Variants in ATP9B observed in about 807,000 individuals in gnomAD.
The protein encoded by ATP9B is ATPase phospholipid transporting 9B.
Under a neutral mutation model 146.1 loss-of-function variants are expected in ATP9B, and 110 were observed. The observed-to-expected ratio is 0.75, with a 90% CI of 0.65 to 0.88. The LOEUF (loss-of-function observed/expected upper bound fraction) is 0.88, where lower values mean the gene tolerates loss of function less well. ATP9B is among the 40% of genes least tolerant of loss of function. The pLI, the probability that ATP9B is intolerant of heterozygous loss-of-function variation, is 0.00. For missense variants in ATP9B, 1,499 were observed against 1,496.4 expected (o/e 1.00, Z -0.03); for synonymous variants, 604 against 569.7 (o/e 1.06, Z -0.86).
chr18:79,359,475 G>T lies in ATP9B; in HGVS notation c.3012+13G>T. ...GGACCTCACCAAGGTACGGGCCTCA[G>T]GCAAGCTGTCTGCCTCACGACTAGC... On this transcript the variant is annotated intron_variant, in intron 26 of 29. Transcript: ENST00000426216. 1 of 1,597,918 alleles carries T rather than the reference G, an allele frequency of 6.3e-7. No homozygotes were observed. The highest frequency in any genetic ancestry group is 8.6e-7 in the Non-Finnish European group (1 of 1,165,574).
intron 13 of ATP9B, among the ~76,000 whole-genome samples, chr18:79,289,176 G>A (rs1180298766): frequency 6.6e-6 from 1 of 152,132 alleles, no homozygotes; most frequent in African/African-American, 2.4e-5. Flanking sequence ...TGCTAGATTG[G>A]GGAGGTTCTC....
intron 20 of ATP9B, chr18:79,343,795 C>T (rs1019642214): frequency 9.1e-6 from 2 of 219,092 alleles, no homozygotes; most frequent in African/African-American, 4.8e-5. Flanking sequence ...CAGTGACTCT[C>T]AGCAGCGCTG....
At chr18:79,235,740 G>A (rs1367672966) in intron 11 of ATP9B, among the ~76,000 whole-genome samples, 2 of 151,850 alleles carry the variant, frequency 1.3e-5, no homozygotes, top group East Asian at 1.9e-4. Flanking sequence ...CCCAGCTCCC[G>A]GGAGTGTCCC....
chr18:79,306,858 C>T, intron 14 of ATP9B, 128 bp from the exon 15 acceptor site: 2 of 1,109,236 alleles, frequency 1.8e-6, no homozygotes, highest in Admixed American at 2.6e-5. Flanking sequence ...AGGAGATAAT[C>T]AGAATCAAAT....
intron 17 of ATP9B, among the ~76,000 whole-genome samples, chr18:79,331,316 A>G (rs1337187309): frequency 6.6e-6 from 1 of 152,214 alleles, no homozygotes; most frequent in Non-Finnish European, 1.5e-5. Context: ...ACGTGAATAA[A>G]TTAAACTCCC....
chr18:79,090,840 C>T (rs765082126), intron 1 of ATP9B, among the ~76,000 whole-genome samples: 8 of 151,998 alleles, frequency 5.3e-5, no homozygotes, highest in African/African-American at 1.2e-4. Context: ...GGGGTATTGC[C>T]GAAGAAGTCT....
chr18:79,365,454 C>A (rs1262281014), intron 26 of ATP9B, among the ~76,000 whole-genome samples: 1 of 152,254 alleles, frequency 6.6e-6, no homozygotes, highest in Non-Finnish European at 1.5e-5. Flanking sequence ...GCATTTCTTA[C>A]AAAGGTAAAC....
chr18:79,317,130 A>T (rs1398584984), intron 15 of ATP9B, among the ~76,000 whole-genome samples: 1 of 152,230 alleles, frequency 6.6e-6, no homozygotes, highest in African/African-American at 2.4e-5. Context: ...GCTTTTGACC[A>T]GTTTTATAGG....
rs1400111796 is a variant in ATP9B, at chr18:79,349,476, G to A, written c.2903+1280G>A. ...CTGGCGCCGGGTGCTGCTCCTCACC[G>A]TCACGCAGCCACTGAGCTTACCCCA... On this transcript the variant is annotated intron_variant, in intron 25 of 29. Coordinates refer to ENST00000426216, the MANE Select transcript of ATP9B (RefSeq NM_198531.5). 2.0e-5 allele frequency among the ~76,000 whole-genome samples: 3 copies of A among 152,174 alleles called. 1 individual carries two copies. The highest frequency in any genetic ancestry group is 4.1e-4 in the South Asian group (2 of 4,836).
intron 12 of ATP9B, among the ~76,000 whole-genome samples, chr18:79,265,470 T>G (rs1354289999): frequency 6.6e-6 from 1 of 152,212 alleles, no homozygotes; most frequent in Non-Finnish European, 1.5e-5. Flanking sequence ...TTCATATGAT[T>G]GTTGGCTGCA....
At chr18:79,207,817 G>A (rs769623429) in intron 10 of ATP9B, among the ~76,000 whole-genome samples, 8 of 152,182 alleles carry the variant, frequency 5.3e-5, no homozygotes, top group Non-Finnish European at 1.2e-4. Flanking sequence ...TTCAGTCTGG[G>A]GCAAGGCGGT....
At chr18:79,290,466 GAAA>G (rs2096491550) in intron 13 of ATP9B, among the ~76,000 whole-genome samples, 1 of 152,026 alleles carries the variant, frequency 6.6e-6, no homozygotes, top group Admixed American at 6.6e-5. Context: ...AAGCCCGTCA[GAAA>G]AGTGCAGTAT....
chr18:79,287,004 G>A (rs142662422), intron 13 of ATP9B, among the ~76,000 whole-genome samples: 10 of 152,310 alleles, frequency 6.6e-5, no homozygotes, highest in African/African-American at 2.2e-4. Context: ...TTGATGTGCT[G>A]CTGGATTCGG....
In ATP9B at chr18:79,224,073, T is replaced by C. The variant is rs1016379702; in HGVS notation, c.1107+10035T>C. 3.3e-5 allele frequency among the ~76,000 whole-genome samples: 5 copies of C among 152,374 alleles called. No homozygotes were observed. In the South Asian group the frequency reaches 1.0e-3, roughly 32 times the overall value. The stretch of plus-strand genomic sequence containing the variant: ...GGCTTACTAATTATTTGTTGCATAT[T>C]AAATAAGAACTATATTTGACAGTAT... On this transcript the variant is annotated intron_variant, in intron 11 of 29. Transcript: ENST00000426216.
chr18:79,307,340 G>A (rs1357623963), intron 15 of ATP9B, 106 bp downstream of exon 15: 27 of 1,499,254 alleles, frequency 1.8e-5, no homozygotes, highest in Middle Eastern at 2.1e-4. Context: ...GCAGTTTATC[G>A]TAGCTTTAAT....
Position 79,157,396 on chromosome 18 carries a change from CAAAAAAAAAAA to C in ATP9B, c.778+2859_778+2869del, listed in dbSNP as rs147316668. Among the ~76,000 whole-genome samples the C allele has an allele frequency of 5.5e-3, 265 of 48,604 alleles. 2 individuals carry two copies. Among genetic ancestry groups the C allele is most frequent in the African/African-American group, 0.022 (218 of 9,962 alleles). 31.9% of individuals were successfully genotyped at this position (48,604 alleles called of 152,430 possible). A position where few individuals can be genotyped will look rare whatever the true frequency, so the allele number is the denominator to read the frequency against. On this transcript the variant is annotated intron_variant, in intron 7 of 29. Coordinates refer to ENST00000426216, the MANE Select transcript of ATP9B (RefSeq NM_198531.5). ...GGGTGACGAGAGTGAAACTCCATCT[CAAAAAAAAAAA>C]AAAAAAAAAAAAAAAAACATGTATT... is the stretch of plus-strand genomic sequence containing the variant.
chr18:79,333,728 G>A (rs1276817352), intron 17 of ATP9B, among the ~76,000 whole-genome samples: 1 of 152,018 alleles, frequency 6.6e-6, no homozygotes, highest in African/African-American at 2.4e-5. Flanking sequence ...ATGGTGGCAG[G>A]GCAGGTTAGC....
In ATP9B at chr18:79,354,810, G is replaced by T. The variant is rs1255531990; in HGVS notation, c.2904-4544G>T. ...AGCCGGCAGCCTGGAAACGCCCATG[G>T]GTGCAGAAATTTAAAATTTGAAAGT... is the stretch of plus-strand genomic sequence containing the variant. On this transcript the variant is annotated intron_variant, in intron 25 of 29. Transcript: ENST00000426216. Among the ~76,000 whole-genome samples the T allele has an allele frequency of 3.3e-4, 50 of 152,170 alleles. 1 individual carries two copies. The highest frequency in any genetic ancestry group is 3.3e-3 in the Admixed American group (50 of 15,284).
chr18:79,313,171 G>C (rs1472364332), intron 15 of ATP9B, among the ~76,000 whole-genome samples: 1 of 152,192 alleles, frequency 6.6e-6, no homozygotes, highest in African/African-American at 2.4e-5. Flanking sequence ...GTTTGGAATT[G>C]GGGTGTGTGT....
Sources: allele counts gnomAD v4.1 joint callset (sites outside exome capture counted in the v4.1 genomes callset), GRCh38; gene constraint gnomAD v4.1.1; transcripts MANE v1.5; gene names NCBI Gene and HGNC (gene_info 2026-07-23, HGNC 2026-07-21).